Variants in KLRG2 observed in about 807,000 individuals in gnomAD.
KLRG2 encodes killer cell lectin like receptor G2.
KLRG2 carries 39 observed loss-of-function variants against 35.4 expected under a neutral mutation model. The observed-to-expected ratio is 1.10, with a 90% CI of 0.85 to 1.44. The LOEUF (loss-of-function observed/expected upper bound fraction) is 1.44, where lower values mean the gene tolerates loss of function less well. Ranked by LOEUF, KLRG2 falls within the 40% of genes most tolerant of loss-of-function variation. The pLI is 0.00. For missense variants in KLRG2, 632 were observed against 570.9 expected (o/e 1.11, Z -1.09); for synonymous variants, 283 against 265.8 (o/e 1.06, Z -0.63).
intron 3 of KLRG2, among the ~76,000 whole-genome samples, chr7:139,475,723 A>C (rs1396665699): frequency 6.6e-6 from 1 of 152,088 alleles, no homozygotes; most frequent in African/African-American, 2.4e-5. Flanking sequence ...AAGTTTTGTG[A>C]GCTGCTCTAG....
intron 3 of KLRG2, among the ~76,000 whole-genome samples, chr7:139,457,047 G>T (rs1021046890): frequency 1.3e-5 from 2 of 152,222 alleles, no homozygotes; most frequent in African/African-American, 4.8e-5. Context: ...TCAGTTAACA[G>T]CCCAGAGAGA....
rs1417759547 is a variant in KLRG2, at chr7:139,453,604, C to A, written c.1213G>T (p.Ala405Ser). The A allele has an allele frequency of 1.2e-6, 2 of 1,605,996 alleles. No homozygotes were observed. Among genetic ancestry groups the A allele is most frequent in the Admixed American group, 3.4e-5 (2 of 58,738 alleles). Residue 405 changes from alanine (A) to serine (S), a missense_variant, in exon 5 of 5, where the codon GCC (alanine) becomes TCC (serine). Coordinates refer to ENST00000340940, the MANE Select transcript of KLRG2 (RefSeq NM_198508.4). ...NCSTPRPWVCAKGTQ is the reference protein window; with the variant it reads ...NCSTPRPWVCSKGTQ ...AGCCCAGATCACTGGGTCCCCTTGGCACAGACCCAGGGTCTTGGAGTGCTG... is the reference window on the plus strand; with the variant it reads ...AGCCCAGATCACTGGGTCCCCTTGGAACAGACCCAGGGTCTTGGAGTGCTG...
At position 139,458,939 on chromosome 7, in the gene KLRG2, C is replaced by T. The variant is rs560320021; in HGVS notation, c.1006-4725G>A. On this transcript the variant is annotated intron_variant, in intron 3 of 4. Transcript: ENST00000340940. Reference sequence around the variant, plus strand: ...CTGCGTGTGTGTCCTGTCCTCCCCACCCTGCCTCAGCACCTGCAGGAGCTT... The same window carrying T: ...CTGCGTGTGTGTCCTGTCCTCCCCATCCTGCCTCAGCACCTGCAGGAGCTT... 2.2e-4 allele frequency among the ~76,000 whole-genome samples: 33 copies of T among 152,322 alleles called. No homozygotes were observed. The South Asian group carries it at 6.4e-3, about 30-fold the overall frequency.
At chr7:139,442,615 G>GT in the KLRG2 span, among the ~76,000 whole-genome samples, 1 of 152,210 alleles carries the variant, frequency 6.6e-6, no homozygotes, top group Non-Finnish European at 1.5e-5. Context: ...GGAGGCCATG[G>GT]TGGGCGGATC....
intron 3 of KLRG2, among the ~76,000 whole-genome samples, chr7:139,463,497 G>GCCGCGC (rs1444614209): frequency 6.6e-6 from 1 of 152,142 alleles, no homozygotes; most frequent in African/African-American, 2.4e-5. Flanking sequence ...AAATGCCTAA[G>GCCGCGC]CCGCGCACAC....
chr7:139,441,329 G>T, the KLRG2 span, among the ~76,000 whole-genome samples: 1 of 152,100 alleles, frequency 6.6e-6, no homozygotes, highest in Admixed American at 6.6e-5. Context: ...GCAGGGACAT[G>T]GATGAAGCTG....
the KLRG2 span, among the ~76,000 whole-genome samples, chr7:139,447,340 C>T: frequency 3.9e-5 from 6 of 152,010 alleles, no homozygotes; most frequent in Admixed American, 3.3e-4. Flanking sequence ...GCCTATTACT[C>T]CTAAGCCACA....
At chr7:139,472,579 C>T (rs7797161) in intron 3 of KLRG2, among the ~76,000 whole-genome samples, 47,573 of 148,628 alleles carry the variant, frequency 0.32, 10,845 homozygotes, top group African/African-American at 0.65. Flanking sequence ...ACCCCGTGTC[C>T]ATTAAAAAAA....
intron 3 of KLRG2, among the ~76,000 whole-genome samples, chr7:139,467,755 C>T (rs1796690140): frequency 6.6e-6 from 1 of 152,040 alleles, no homozygotes; most frequent in Non-Finnish European, 1.5e-5. Flanking sequence ...GGTTTCTCCC[C>T]ATGGGATAGT....
chr7:139,477,649 A>G (rs926296977), intron 3 of KLRG2, among the ~76,000 whole-genome samples: 4 of 152,226 alleles, frequency 2.6e-5, no homozygotes, highest in Non-Finnish European at 5.9e-5. Context: ...AAAAGAGTTC[A>G]GGAGATGGAT....
At chr7:139,466,384 G>A (rs1319376486) in intron 3 of KLRG2, among the ~76,000 whole-genome samples, 6 of 151,972 alleles carry the variant, frequency 3.9e-5, no homozygotes, top group Non-Finnish European at 8.8e-5. Flanking sequence ...ATAATGGACC[G>A]GCCTTTATTA....
intron 3 of KLRG2, among the ~76,000 whole-genome samples, chr7:139,476,391 C>G (rs945873654): frequency 2.6e-5 from 4 of 151,884 alleles, no homozygotes; most frequent in African/African-American, 9.7e-5. Flanking sequence ...CAGGTCCAGA[C>G]TGGAACAGAG....
intron 3 of KLRG2, among the ~76,000 whole-genome samples, chr7:139,459,230 C>T (rs1796528424): frequency 6.6e-6 from 1 of 152,184 alleles, no homozygotes; most frequent in Admixed American, 6.5e-5. Flanking sequence ...GAGTTCTAAG[C>T]TCATCTGAGG....
chr7:139,467,706 C>T (rs935054969), intron 3 of KLRG2, among the ~76,000 whole-genome samples: 2 of 151,030 alleles, frequency 1.3e-5, no homozygotes, highest in Middle Eastern at 3.4e-3. Context: ...TGCGGAAGGC[C>T]GCAGGTTCCT....
intron 3 of KLRG2, among the ~76,000 whole-genome samples, chr7:139,476,384 G>A (rs1796850418): frequency 6.6e-6 from 1 of 152,080 alleles, no homozygotes; most frequent in Non-Finnish European, 1.5e-5. Flanking sequence ...TGAGCAACAG[G>A]TCCAGACTGG....
chr7:139,465,646 G>C (rs1213760214), intron 3 of KLRG2, among the ~76,000 whole-genome samples: 1 of 150,544 alleles, frequency 6.6e-6, no homozygotes, highest in Non-Finnish European at 1.5e-5. Flanking sequence ...GAGCCGAGAT[G>C]GCACCACTGC....
chr7:139,479,492 G>T, intron 3 of KLRG2, 135 bp downstream of exon 3: 1 of 880,126 alleles, frequency 1.1e-6, no homozygotes. Context: ...ACGAAGTTAT[G>T]GTCATGCTAC....
chr7:139,451,485 C>A (rs565424807), downstream of KLRG2, among the ~76,000 whole-genome samples: 5 of 151,852 alleles, frequency 3.3e-5, no homozygotes, highest in Non-Finnish European at 4.4e-5. Flanking sequence ...GGCGACAGAG[C>A]GAGACTCGGC....
At chr7:139,436,001 A>T in the KLRG2 span, among the ~76,000 whole-genome samples, 1 of 151,784 alleles carries the variant, frequency 6.6e-6, no homozygotes, top group Non-Finnish European at 1.5e-5. Flanking sequence ...TCCCATGTTC[A>T]AGTGATTCTC....
Sources: gnomAD v4.1 joint callset for allele counts (sites outside exome capture counted in the v4.1 genomes callset) on GRCh38, gnomAD v4.1.1 for gene constraint, MANE v1.5 for transcripts, NCBI Gene and HGNC (gene_info 2026-07-23, HGNC 2026-07-21) for gene names.